The following ZNF503 variants were observed in gnomAD, a reference collection of about 807,000 sequenced individuals.
ZNF503 encodes NocA-like zinc finger 2.
ZNF503 carries 15 observed loss-of-function variants against 34.4 expected under a neutral mutation model. That is an observed-to-expected ratio of 0.44 (90% CI 0.29 to 0.67). The LOEUF is 0.67. Among genes scored for constraint, ZNF503 ranks in the 30% least tolerant of loss-of-function variants. The pLI, the probability that ZNF503 is intolerant of heterozygous loss-of-function variation, is 0.13. For synonymous variants in ZNF503, 580 were observed against 456.8 expected (o/e 1.27, Z -3.44); for missense variants, 1,007 against 926.8 (o/e 1.09, Z -1.12).
At chr10:75,364,949 A>T in the ZNF503 span, among the ~76,000 whole-genome samples, 1 of 152,206 alleles carries the variant, frequency 6.6e-6, no homozygotes, top group Admixed American at 6.5e-5. Flanking sequence ...TAGCACCATA[A>T]AAGGTTATTA....
the ZNF503 span, chr10:75,373,413 C>G: frequency 6.6e-6 from 1 of 152,208 alleles, no homozygotes; most frequent in Non-Finnish European, 1.5e-5. Context: ...GAGAGCACTC[C>G]CCAATAAACC....
chr10:75,385,027 G>A, the ZNF503 span, among the ~76,000 whole-genome samples: 1 of 152,208 alleles, frequency 6.6e-6, no homozygotes, highest in African/African-American at 2.4e-5. Context: ...TTCTCGAGAT[G>A]GAGATAGATG....
the ZNF503 span, among the ~76,000 whole-genome samples, chr10:75,322,444 C>T: frequency 1.3e-5 from 2 of 151,898 alleles, no homozygotes; most frequent in East Asian, 1.9e-4. Context: ...TTTATGCTTT[C>T]GTGTATATTA....
the ZNF503 span, among the ~76,000 whole-genome samples, chr10:75,381,349 A>C: frequency 6.6e-6 from 1 of 152,118 alleles, no homozygotes; most frequent in African/African-American, 2.4e-5. Flanking sequence ...CAACTTCCCC[A>C]GTAGCTGGGA....
At chr10:75,328,989 C>T in the ZNF503 span, among the ~76,000 whole-genome samples, 1 of 152,216 alleles carries the variant, frequency 6.6e-6, no homozygotes, top group African/African-American at 2.4e-5. Context: ...TCAGGTGATC[C>T]ACCTGCCTCA....
chr10:75,377,982 C>G, the ZNF503 span, among the ~76,000 whole-genome samples: 1 of 152,014 alleles, frequency 6.6e-6, no homozygotes, highest in Non-Finnish European at 1.5e-5. Flanking sequence ...ATGGCCAGAA[C>G]AGGAGGAAGA....
the ZNF503 span, chr10:75,279,930 C>T: frequency 1.3e-5 from 2 of 152,146 alleles, no homozygotes; most frequent in Admixed American, 1.3e-4. Context: ...GAGAGTTCTA[C>T]CATTAGGACC....
chr10:75,346,688 C>T, the ZNF503 span, among the ~76,000 whole-genome samples: 3 of 151,794 alleles, frequency 2.0e-5, no homozygotes, highest in South Asian at 2.1e-4. Flanking sequence ...GTGATCTGCC[C>T]GCCTCGGCCT....
At chr10:75,293,613 GC>G in the ZNF503 span, among the ~76,000 whole-genome samples, 8 of 151,162 alleles carry the variant, frequency 5.3e-5, no homozygotes, top group East Asian at 5.8e-4. Flanking sequence ...TTACCAGAGT[GC>G]CCCCCCCGTC....
chr10:75,336,825 C>A, the ZNF503 span, among the ~76,000 whole-genome samples: 1 of 152,168 alleles, frequency 6.6e-6, no homozygotes, highest in Non-Finnish European at 1.5e-5. Context: ...TCACTCTCAG[C>A]CTATTGAGGC....
the ZNF503 span, among the ~76,000 whole-genome samples, chr10:75,347,079 C>T: frequency 6.6e-6 from 1 of 152,242 alleles, no homozygotes; most frequent in Non-Finnish European, 1.5e-5. Flanking sequence ...TTATCTGCCT[C>T]GGAGAGTTGT....
At position 75,398,832 on chromosome 10, in the gene ZNF503, G is replaced by T; in HGVS notation, c.1858C>A (p.Pro620Thr). 2 of 1,500,068 alleles carry T rather than the reference G, an allele frequency of 1.3e-6. No homozygotes were observed. 92.9% of individuals were successfully genotyped at this position (1,500,068 alleles called of 1,614,324 possible). A position where few individuals can be genotyped will look rare whatever the true frequency, so the allele number is the denominator to read the frequency against. Residue 620 changes from proline to threonine, a missense_variant, in exon 2 of 2, where the codon CCC becomes ACC. Physicochemically the swap from Pro to Thr is conservative, Grantham distance 38. Transcript: ENST00000372524. ...GAGTAGTACGGTCCGGTGGCGGCGG[G>T]CACCGGCACGGGGGCGCCAGGCGTG... is the stretch of plus-strand genomic sequence containing the variant. Reference protein sequence around the residue: ...LPTPGAPVPVPAATGPYYSPY... With the variant: ...LPTPGAPVPVTAATGPYYSPY...
At chr10:75,350,577 A>T in the ZNF503 span, 1 of 152,218 alleles carries the variant, frequency 6.6e-6, no homozygotes, top group African/African-American at 2.4e-5. Flanking sequence ...TTTTTGAGAC[A>T]GGTACTCTGT....
At chr10:75,338,956 G>A in the ZNF503 span, among the ~76,000 whole-genome samples, 1 of 152,296 alleles carries the variant, frequency 6.6e-6, no homozygotes, top group Admixed American at 6.5e-5. Context: ...GGCCGGGCAC[G>A]GTGGCTCATG....
chr10:75,294,447 ACATG>A, the ZNF503 span, among the ~76,000 whole-genome samples: 1 of 152,212 alleles, frequency 6.6e-6, no homozygotes, highest in Non-Finnish European at 1.5e-5. Flanking sequence ...TCCTAGTTCC[ACATG>A]AGGTTTCATG....
chr10:75,320,984 C>T, the ZNF503 span, among the ~76,000 whole-genome samples: 1 of 152,120 alleles, frequency 6.6e-6, no homozygotes, highest in Non-Finnish European at 1.5e-5. Flanking sequence ...TTGTAACCCC[C>T]AGTGCAGGAG....
At chr10:75,395,328 G>A (rs576820084), downstream of ZNF503, among the ~76,000 whole-genome samples, 3 of 152,326 alleles carry the variant, frequency 2.0e-5, no homozygotes, top group South Asian at 6.2e-4. The surrounding 1 kb of genome is among the most constrained non-coding windows in gnomAD (Gnocchi z 4.4). Flanking sequence ...TTCGCAGCAG[G>A]AGAAAAGAAG....
At chr10:75,367,884 G>A in the ZNF503 span, among the ~76,000 whole-genome samples, 1 of 152,168 alleles carries the variant, frequency 6.6e-6, no homozygotes, top group Non-Finnish European at 1.5e-5. Flanking sequence ...AGACCCAAGG[G>A]TCCTTCCTGG....
chr10:75,304,376 T>C, the ZNF503 span, among the ~76,000 whole-genome samples: 1 of 151,778 alleles, frequency 6.6e-6, no homozygotes, highest in Admixed American at 6.5e-5. Flanking sequence ...TCTCATTTAG[T>C]AAACTTGGTT....
Sources: allele counts gnomAD v4.1 joint callset (sites outside exome capture counted in the v4.1 genomes callset), GRCh38; gene constraint gnomAD v4.1.1; non-coding constraint Gnocchi (gnomAD v3.1); transcripts MANE v1.5; gene names NCBI Gene and HGNC (gene_info 2026-07-23, HGNC 2026-07-21).